The following AK8 variants were observed in gnomAD, a reference collection of about 807,000 sequenced individuals.
The protein encoded by AK8 is ATP-AMP transphosphorylase 8.
A neutral mutation model predicts 54.6 loss-of-function variants in AK8; 44 were observed. The observed-to-expected ratio is 0.81, with a 90% confidence interval of 0.63 to 1.04. The LOEUF is 1.04. Ranked by LOEUF, AK8 falls within the 50% of genes least tolerant of loss-of-function variation. The probability of loss-of-function intolerance (pLI) is 0.00; values close to 1 mark genes in which losing one functional copy is unlikely to be tolerated. For synonymous variants in AK8, 239 were observed against 245.6 expected (o/e 0.97, Z 0.25); for missense variants, 555 against 613.6 (o/e 0.90, Z 1.01).
At chr9:132,780,855 T>TA (rs1454361138) in intron 11 of AK8, among the ~76,000 whole-genome samples, 4 of 152,196 alleles carry the variant, frequency 2.6e-5, no homozygotes, top group Admixed American at 2.6e-4. Context: ...ACCCTCCTTT[T>TA]ACATCCTTTT....
At chr9:132,875,317 T>C (rs1398473745) in intron 1 of AK8, 118 bp from the exon 2 acceptor site, 2 of 1,496,244 alleles carry the variant, frequency 1.3e-6, no homozygotes, top group African/African-American at 1.4e-5. Flanking sequence ...GCCTTCAACC[T>C]GGGACCCAGC....
chr9:132,772,274 A>C (rs1839015332), intron 11 of AK8, among the ~76,000 whole-genome samples: 1 of 152,200 alleles, frequency 6.6e-6, no homozygotes, highest in African/African-American at 2.4e-5. Flanking sequence ...CCCGCTGCAG[A>C]TGTTGTTAGG....
chr9:132,867,839 G>C (rs919800916), intron 2 of AK8, among the ~76,000 whole-genome samples: 1 of 152,242 alleles, frequency 6.6e-6, no homozygotes, highest in Non-Finnish European at 1.5e-5. Flanking sequence ...AGGTGGCTTT[G>C]GGGACAAGTG....
chr9:132,756,230 A>G (rs1838183221), intron 11 of AK8, among the ~76,000 whole-genome samples: 1 of 152,212 alleles, frequency 6.6e-6, no homozygotes, highest in African/African-American at 2.4e-5. Flanking sequence ...ACAGCAGCTC[A>G]TTCTTGCATA....
intron 11 of AK8, among the ~76,000 whole-genome samples, chr9:132,761,409 T>A (rs1003066422): frequency 1.3e-5 from 2 of 151,976 alleles, no homozygotes; most frequent in African/African-American, 2.4e-5. Context: ...ATTAGAGGCA[T>A]GTGCCACCAT....
intron 5 of AK8, among the ~76,000 whole-genome samples, chr9:132,850,186 T>G (rs1052988421): frequency 2.7e-5 from 4 of 148,484 alleles, no homozygotes; most frequent in Admixed American, 1.4e-4. Context: ...ACCGAGTAGC[T>G]GGGATTACAG....
intron 5 of AK8, among the ~76,000 whole-genome samples, chr9:132,847,261 C>T (rs749437130): frequency 2.3e-4 from 35 of 152,236 alleles, no homozygotes; most frequent in Admixed American, 7.2e-4. Context: ...GGCAGGTCTT[C>T]TACCACCAGG....
intron 5 of AK8, among the ~76,000 whole-genome samples, chr9:132,846,102 A>G (rs1842738721): frequency 6.6e-6 from 1 of 152,354 alleles, no homozygotes; most frequent in South Asian, 2.1e-4. Flanking sequence ...CCTAGAATCC[A>G]GAATGCTTAC....
At chr9:132,794,199 A>G (rs1000429394) in intron 10 of AK8, among the ~76,000 whole-genome samples, 3 of 152,174 alleles carry the variant, frequency 2.0e-5, no homozygotes, top group Non-Finnish European at 2.9e-5. Context: ...TTTTGCTTTA[A>G]CGAGAACATC....
intron 11 of AK8, among the ~76,000 whole-genome samples, chr9:132,740,079 G>A (rs1253275804): frequency 6.6e-6 from 1 of 152,256 alleles, no homozygotes; most frequent in African/African-American, 2.4e-5. Flanking sequence ...AAATGCGGAA[G>A]AGAAGTGCAC....
rs527263272 is a variant in AK8, at chr9:132,813,115, C to T, written c.979+1523G>A. 3.2e-3 allele frequency among the ~76,000 whole-genome samples: 396 copies of T among 123,718 alleles called. 2 individuals are homozygous for T. The highest frequency in any genetic ancestry group is 0.012 in the African/African-American group (359 of 29,810). 81.2% of individuals were successfully genotyped at this position (123,718 alleles called of 152,430 possible). A position where few individuals can be genotyped will look rare whatever the true frequency, so the allele number is the denominator to read the frequency against. Reference sequence around the variant, plus strand: ...ACAGATCACCTCATTCTGTGGCCACCGCAGACACCCAGGACCAGACCTGCT... The same window carrying T: ...ACAGATCACCTCATTCTGTGGCCACTGCAGACACCCAGGACCAGACCTGCT... On this transcript the variant is annotated intron_variant, in intron 10 of 12. Coordinates refer to ENST00000298545, the MANE Select transcript of AK8 (RefSeq NM_152572.3).
At chr9:132,848,264 G>A (rs1250944007) in intron 5 of AK8, among the ~76,000 whole-genome samples, 1 of 152,010 alleles carries the variant, frequency 6.6e-6, no homozygotes, top group African/African-American at 2.4e-5. Context: ...AAGGCACACA[G>A]CATTTTGTAT....
At chr9:132,764,795 T>C (rs1838646632) in intron 11 of AK8, among the ~76,000 whole-genome samples, 2 of 152,206 alleles carry the variant, frequency 1.3e-5, no homozygotes, top group Non-Finnish European at 2.9e-5. Context: ...ACCAACCTAA[T>C]ACCATTTCTT....
intron 10 of AK8, among the ~76,000 whole-genome samples, chr9:132,794,035 C>A (rs1353829256): frequency 6.6e-6 from 1 of 152,130 alleles, no homozygotes; most frequent in African/African-American, 2.4e-5. Flanking sequence ...TCACTGCCAG[C>A]CGTTTTCCCT....
At position 132,845,651 on chromosome 9, in the gene AK8, T is replaced by C. The variant is rs371507221; in HGVS notation, c.402+9206A>G. 9.2e-5 allele frequency among the ~76,000 whole-genome samples: 14 copies of C among 152,018 alleles called. No individual in the cohort carries two copies. In the East Asian group the frequency reaches 2.5e-3, roughly 27 times the overall value. On this transcript the variant is annotated intron_variant, in intron 5 of 12. Coordinates refer to ENST00000298545, the MANE Select transcript of AK8 (RefSeq NM_152572.3). ...TAAAAATTAGCCGGGCATGGTGGCATGTGCCTGTAATCCCAGCTACTCAGG... is the reference window on the plus strand; with the variant it reads ...TAAAAATTAGCCGGGCATGGTGGCACGTGCCTGTAATCCCAGCTACTCAGG...
At chr9:132,807,692 A>T (rs964921440) in intron 10 of AK8, among the ~76,000 whole-genome samples, 2 of 152,228 alleles carry the variant, frequency 1.3e-5, no homozygotes, top group Admixed American at 1.3e-4. Flanking sequence ...GGCTAAAAAT[A>T]AAGCAGTGCA....
At chr9:132,838,951 A>AT (rs1053305324) in intron 5 of AK8, among the ~76,000 whole-genome samples, 3 of 151,792 alleles carry the variant, frequency 2.0e-5, no homozygotes, top group Non-Finnish European at 4.4e-5. Flanking sequence ...TTATTTTTTT[A>AT]TTTTTTTGTT....
At chr9:132,804,621 C>A (rs1210729135) in intron 10 of AK8, among the ~76,000 whole-genome samples, 1 of 152,158 alleles carries the variant, frequency 6.6e-6, no homozygotes, top group Non-Finnish European at 1.5e-5. Flanking sequence ...TCCCTCGCCT[C>A]TCCCCCTCCC....
At chr9:132,742,478 G>C (rs992509740) in intron 11 of AK8, among the ~76,000 whole-genome samples, 1 of 152,176 alleles carries the variant, frequency 6.6e-6, no homozygotes, top group African/African-American at 2.4e-5. Context: ...GCCAACCAAT[G>C]GATTTTTAAC....
Sources: gnomAD v4.1 joint callset for allele counts (sites outside exome capture counted in the v4.1 genomes callset) on GRCh38, gnomAD v4.1.1 for gene constraint, MANE v1.5 for transcripts, NCBI Gene and HGNC (gene_info 2026-07-23, HGNC 2026-07-21) for gene names.